Variants in PPP2R5D observed in about 807,000 individuals in gnomAD.
PPP2R5D encodes serine/threonine-protein phosphatase 2A 56 kDa regulatory subunit delta isoform.
In PPP2R5D, 12 loss-of-function variants were observed where a neutral mutation model predicts 79.1. The observed-to-expected ratio is 0.15, with a 90% confidence interval of 0.10 to 0.25. The LOEUF (loss-of-function observed/expected upper bound fraction) is 0.25. Ranked by LOEUF, PPP2R5D falls within the 10% of genes least tolerant of loss-of-function variation. PPP2R5D has a pLI of 1.00. For synonymous variants in PPP2R5D, 277 were observed against 286.6 expected (o/e 0.97, Z 0.34); for missense variants, 419 against 760.2 (o/e 0.55, Z 5.28).
intron 2 of PPP2R5D, among the ~76,000 whole-genome samples, chr6:42,990,684 T>G (rs1226513802): frequency 6.7e-6 from 1 of 149,726 alleles, no homozygotes; most frequent in Non-Finnish European, 1.5e-5. Flanking sequence ...TCCTCTGCAC[T>G]TATGCAGTAT....
At position 42,984,669 on chromosome 6, in the gene PPP2R5D, C is replaced by T; in HGVS notation, c.-9C>T. 1 of 1,604,904 alleles carries T rather than the reference C, an allele frequency of 6.2e-7. No individual in the cohort carries two copies. The highest frequency in any genetic ancestry group is 8.5e-7 in the Non-Finnish European group (1 of 1,176,522). On this transcript the variant is annotated 5_prime_UTR_variant, in exon 1 of 16. In the 5' UTR this introduces an upstream ATG that the reference lacks. Coordinates refer to ENST00000485511, the MANE Select transcript of PPP2R5D (RefSeq NM_006245.4). Reference sequence around the variant, plus strand: ...CCGCAGGAGACGGGCCGGGTCCGGACGGGCCGAGATGCCCTATAAACTGAA... The same window carrying T: ...CCGCAGGAGACGGGCCGGGTCCGGATGGGCCGAGATGCCCTATAAACTGAA...
chr6:42,994,322 C>A (rs1771479322), intron 2 of PPP2R5D, among the ~76,000 whole-genome samples: 1 of 152,106 alleles, frequency 6.6e-6, no homozygotes, highest in Non-Finnish European at 1.5e-5. Flanking sequence ...TTTATTCAGC[C>A]AGTAAGGCAG....
At chr6:43,003,268 C>G (rs1029003851) in intron 2 of PPP2R5D, among the ~76,000 whole-genome samples, 3 of 151,892 alleles carry the variant, frequency 2.0e-5, no homozygotes, top group Non-Finnish European at 4.4e-5. Context: ...ACAAAAAATA[C>G]AAAAAGTAGC....
intron 2 of PPP2R5D, among the ~76,000 whole-genome samples, chr6:42,998,445 G>T (rs1173228068): frequency 6.6e-6 from 1 of 152,072 alleles, no homozygotes; most frequent in Non-Finnish European, 1.5e-5. Context: ...GGCACGTTTA[G>T]TTGGAATTTT....
chr6:42,988,744 G>A (rs964795807), intron 1 of PPP2R5D, among the ~76,000 whole-genome samples: 13 of 152,216 alleles, frequency 8.5e-5, no homozygotes, highest in Non-Finnish European at 4.4e-5. Context: ...AGCCCTGTCA[G>A]TGCCAAGCAG....
At position 42,992,216 on chromosome 6, in the gene PPP2R5D, C is replaced by T. The variant is rs1439345588; in HGVS notation, c.105+2528C>T. 2.6e-5 allele frequency among the ~76,000 whole-genome samples: 4 copies of T among 152,286 alleles called. No individual in the cohort carries two copies. The East Asian group carries it at 5.8e-4, about 22-fold the overall frequency. ...CTGGGACTACAGGCTCCCGCCACCACGCCTGGCTAATTTTTTGTATTTTTA... is the reference window on the plus strand; with the variant it reads ...CTGGGACTACAGGCTCCCGCCACCATGCCTGGCTAATTTTTTGTATTTTTA... On this transcript the variant is annotated intron_variant, in intron 2 of 15. Transcript: ENST00000485511.
At chr6:43,003,949 AC>A (rs998006473) in intron 2 of PPP2R5D, among the ~76,000 whole-genome samples, 28 of 149,976 alleles carry the variant, frequency 1.9e-4, no homozygotes, top group African/African-American at 6.9e-4. Flanking sequence ...CGATCTCCTG[AC>A]CTCGTGATCT....
Position 43,006,921 on chromosome 6 carries a change from C to G in PPP2R5D, c.333C>G (p.Thr111=), listed in dbSNP as rs1232522885. 1 of 1,613,906 alleles carries G rather than the reference C, an allele frequency of 6.2e-7. No homozygotes were observed. The highest frequency in any genetic ancestry group is 8.5e-7 in the Non-Finnish European group (1 of 1,179,996). ...CTGGGGCCCCCACAGATTCGCCAAC[C>G]CAGGAGCGGGAGGAGCTGTTTATCC... is the stretch of plus-strand genomic sequence containing the variant. The part of the protein sequence containing the change: ...QKLPALKDSP[T]QEREELFIQK... The change falls in exon 4 of 16, where the codon ACC becomes ACG. Residue 111 remains threonine (T), a synonymous_variant. Coordinates refer to ENST00000485511, the MANE Select transcript of PPP2R5D (RefSeq NM_006245.4). The surrounding 1 kb of genome is among the most constrained non-coding windows in gnomAD (Gnocchi z 4.7).
In PPP2R5D at chr6:43,007,134, G is replaced by C. The variant is rs551819761; in HGVS notation, c.522+24G>C. On this transcript the variant is annotated intron_variant, in intron 4 of 15. Transcript: ENST00000485511. This position sits in a 1 kb window ranked among gnomAD's most constrained non-coding sequence, Gnocchi z 4.5. ...TGGTGGGCACAGGGAAAGGACACAGGGGGGACTGGTGAGGGGCTCTGGAGA... is the reference window on the plus strand; with the variant it reads ...TGGTGGGCACAGGGAAAGGACACAGCGGGGACTGGTGAGGGGCTCTGGAGA... The C allele has an allele frequency of 1.2e-5, 20 of 1,613,108 alleles. No individual in the cohort carries two copies. The highest frequency in any genetic ancestry group is 9.4e-5 in the African/African-American group (7 of 74,838).
chr6:42,997,043 G>A (rs575455269), intron 2 of PPP2R5D, among the ~76,000 whole-genome samples: 68 of 151,690 alleles, frequency 4.5e-4, no homozygotes, highest in Non-Finnish European at 9.3e-4. Flanking sequence ...CTCTTCCTTT[G>A]TTGCCCAGGC....
Position 43,007,830 on chromosome 6 carries a change from C to T in PPP2R5D, c.727-105C>T. On this transcript the variant is annotated intron_variant, in intron 6 of 15. Coordinates refer to ENST00000485511, the MANE Select transcript of PPP2R5D (RefSeq NM_006245.4). The surrounding 1 kb of genome is among the most constrained non-coding windows in gnomAD (Gnocchi z 4.5). The stretch of plus-strand genomic sequence containing the variant: ...GCTTTCTAAGACTTGCTGGCCCCCA[C>T]TCCAGGGGACCTCTGCATTTCCCCT... 3 of 1,458,578 alleles carry T rather than the reference C, an allele frequency of 2.1e-6. No individual in the cohort carries two copies. The highest frequency in any genetic ancestry group is 1.9e-6 in the Non-Finnish European group (2 of 1,052,302). 90.4% of individuals were successfully genotyped at this position (1,458,578 alleles called of 1,614,324 possible).
At chr6:43,000,599 C>A (rs981007493) in intron 2 of PPP2R5D, among the ~76,000 whole-genome samples, 4 of 152,142 alleles carry the variant, frequency 2.6e-5, no homozygotes, top group Non-Finnish European at 5.9e-5. Context: ...GGGAAGAATG[C>A]CCCTCTCTGG....
In PPP2R5D at chr6:43,009,579, T is replaced by G; in HGVS notation, c.1379+130T>G. On this transcript the variant is annotated intron_variant, in intron 12 of 15. Transcript: ENST00000485511. This position sits in a 1 kb window ranked among gnomAD's most constrained non-coding sequence, Gnocchi z 5.6. Reference sequence around the variant, plus strand: ...GGGGCTGATGTCCCCTGCATGTTGATAGGACCTTGAGGGGCTGACTGGAGC... The same window carrying G: ...GGGGCTGATGTCCCCTGCATGTTGAGAGGACCTTGAGGGGCTGACTGGAGC... 1 of 1,326,720 alleles carries G rather than the reference T, an allele frequency of 7.5e-7. No homozygotes were observed. Among genetic ancestry groups the G allele is most frequent in the Non-Finnish European group, 1.0e-6 (1 of 957,244 alleles). The allele number at this position is 1,326,720 out of a possible 1,614,324, so 82.2% of individuals were successfully genotyped here.
At chr6:42,993,327 G>A (rs1461958469) in intron 2 of PPP2R5D, among the ~76,000 whole-genome samples, 1 of 150,890 alleles carries the variant, frequency 6.6e-6, no homozygotes. Context: ...AAAATTAGCC[G>A]GGCGTAGTGG....
intron 1 of PPP2R5D, among the ~76,000 whole-genome samples, chr6:42,985,201 G>A (rs1358515125): frequency 6.6e-6 from 1 of 152,082 alleles, no homozygotes; most frequent in African/African-American, 2.4e-5. Flanking sequence ...TCCATGCCAA[G>A]CCCCTGACCT....
chr6:42,989,223 G>A lies in PPP2R5D; in HGVS notation c.28-388G>A, dbSNP rs151095928. ...CCTGCACTCCAGCATGAAAGCCTCC[G>A]GCACACCTTTGACCACTTTAGCCAG... On this transcript the variant is annotated intron_variant, in intron 1 of 15. Coordinates refer to ENST00000485511, the MANE Select transcript of PPP2R5D (RefSeq NM_006245.4). Among the ~76,000 whole-genome samples the A allele has an allele frequency of 3.9e-3, 598 of 152,258 alleles. 2 individuals carry two copies. The highest frequency in any genetic ancestry group is 0.017 in the Middle Eastern group (5 of 294).
At position 43,008,559 on chromosome 6, in the gene PPP2R5D, A is replaced by G; in HGVS notation, c.1026+84A>G. ...GAAAGTGTTCCAGCTGGGATAGGGG[A>G]AGCATAGGGAGCAGGTGGGATAATT... is the stretch of plus-strand genomic sequence containing the variant. On this transcript the variant is annotated intron_variant, in intron 9 of 15. Transcript: ENST00000485511. This position sits in a 1 kb window ranked among gnomAD's most constrained non-coding sequence, Gnocchi z 4.2. 1.3e-6 allele frequency: 2 copies of G among 1,483,154 alleles called. No individual in the cohort carries two copies. The highest frequency in any genetic ancestry group is 1.9e-6 in the Non-Finnish European group (2 of 1,063,422). The allele number at this position is 1,483,154 out of a possible 1,614,324, so 91.9% of individuals were successfully genotyped here. A position where few individuals can be genotyped will look rare whatever the true frequency, so the allele number is the denominator to read the frequency against.
chr6:42,996,888 T>C (rs1412496773), intron 2 of PPP2R5D, among the ~76,000 whole-genome samples: 3 of 152,250 alleles, frequency 2.0e-5, no homozygotes, highest in African/African-American at 7.2e-5. Context: ...AGTTAATTCA[T>C]TATGCAAAAG....
Position 43,009,046 on chromosome 6 carries a change from T to C in PPP2R5D, c.1081-11T>C. ...AAGAATTTTCATCCCCATGCCCTCCTTGTCTCCCAGGTAATTGTGGGACTT... is the reference window on the plus strand; with the variant it reads ...AAGAATTTTCATCCCCATGCCCTCCCTGTCTCCCAGGTAATTGTGGGACTT... On this transcript the variant is annotated splice_polypyrimidine_tract_variant and intron_variant, in intron 10 of 15. Coordinates refer to ENST00000485511, the MANE Select transcript of PPP2R5D (RefSeq NM_006245.4). The surrounding 1 kb of genome is among the most constrained non-coding windows in gnomAD (Gnocchi z 5.6). 6.2e-7 allele frequency: 1 copy of C among 1,612,850 alleles called. No homozygotes were observed. Among genetic ancestry groups the C allele is most frequent in the Non-Finnish European group, 8.5e-7 (1 of 1,179,154 alleles).
Sources: allele counts gnomAD v4.1 joint callset (sites outside exome capture counted in the v4.1 genomes callset), GRCh38; gene constraint gnomAD v4.1.1; non-coding constraint Gnocchi (gnomAD v3.1); transcripts MANE v1.5; gene names NCBI Gene and HGNC (gene_info 2026-07-23, HGNC 2026-07-21).